Variants in COL17A1 observed in about 807,000 individuals in gnomAD.
COL17A1 encodes collagen type XVII alpha 1 chain.
In COL17A1, 181 loss-of-function variants were observed where a neutral mutation model predicts 218.4. That is an observed-to-expected ratio of 0.83 (90% confidence interval 0.73 to 0.94). COL17A1 has a LOEUF of 0.94. Ranked by LOEUF, COL17A1 falls within the 40% of genes least tolerant of loss-of-function variation. The pLI is 0.00. For synonymous variants in COL17A1, 721 were observed against 731.0 expected, an observed-to-expected ratio of 0.99 and a Z score of 0.22; for missense variants, 1,924 against 1,945.9, an observed-to-expected ratio of 0.99 and a Z score of 0.21.
At chr10:104,039,229 G>A (rs2086333324) in intron 43 of COL17A1, 108 bp from the exon 44 acceptor site, 1 of 1,212,982 alleles carries the variant, frequency 8.2e-7, no homozygotes, top group Non-Finnish European at 1.2e-6. Context: ...CATGTCTCTT[G>A]GCCTCCTTTT....
intron 31 of COL17A1, among the ~76,000 whole-genome samples, chr10:104,047,072 T>A (rs1242140992): frequency 6.6e-6 from 1 of 152,138 alleles, no homozygotes; most frequent in Admixed American, 6.5e-5. Flanking sequence ...TGCTCAACAC[T>A]CACGGATCCC....
rs368122459 is a variant in COL17A1 at position 104,051,598 on chromosome 10, G to T, written c.2003-82C>A. On this transcript the variant is annotated intron_variant, in intron 24 of 55. Transcript: ENST00000648076. The stretch of plus-strand genomic sequence containing the variant: ...TGGCCCCGGTGCAGGGCAGGTGGGG[G>T]TTAGGGACGCTGTCTTCCAGGTGAG... The T allele has an allele frequency of 5.2e-5, 81 of 1,554,312 alleles. No homozygotes were observed. The Middle Eastern group carries it at 1.0e-3, about 20-fold the overall frequency.
In COL17A1 at chr10:104,039,462, C is replaced by T. The variant is rs1277212854; in HGVS notation, c.2879G>A (p.Gly960Glu). Residue 960 changes from glycine (G) to glutamate (E), a missense_variant, in exon 43 of 56, where the codon GGA becomes GAA. Transcript: ENST00000648076. Reference sequence around the variant, plus strand: ...TCACTGACCTTTGTCACCTTTGGGTCCCTGGGGGCCAGGTGGGCCTGGTGG... The same window carrying T: ...TCACTGACCTTTGTCACCTTTGGGTTCCTGGGGGCCAGGTGGGCCTGGTGG... ...QGPPGPPGPQ[G>E]PKGDKGDPGV... The T allele has an allele frequency of 2.5e-6, 4 of 1,614,128 alleles. No individual in the cohort carries two copies. Among genetic ancestry groups the T allele is most frequent in the Non-Finnish European group, 3.4e-6 (4 of 1,180,020 alleles).
intron 4 of COL17A1, among the ~76,000 whole-genome samples, chr10:104,077,165 T>C (rs1055893099): frequency 1.1e-4 from 16 of 152,296 alleles, no homozygotes; most frequent in African/African-American, 3.8e-4. Flanking sequence ...TTAATGAAAA[T>C]GGATCTGATT....
At chr10:104,070,874 C>A (rs1028483823) in intron 8 of COL17A1, among the ~76,000 whole-genome samples, 5 of 152,134 alleles carry the variant, frequency 3.3e-5, no homozygotes, top group Middle Eastern at 3.2e-3. Flanking sequence ...GGCTGGAAGA[C>A]ACTATTATCT....
In COL17A1 at chr10:104,045,868, C is replaced by T. The variant is rs929659338; in HGVS notation, c.2363-75G>A. ...AGATACCCTTGGGTGGTCACTAGTG[C>T]TCCGTCACTCAGCACAGCCACACTG... On this transcript the variant is annotated intron_variant, in intron 32 of 55. Coordinates refer to ENST00000648076, the MANE Select transcript of COL17A1 (RefSeq NM_000494.4). 35 of 1,181,122 alleles carry T rather than the reference C, an allele frequency of 3.0e-5. No homozygotes were observed. The East Asian group carries it at 5.6e-4, about 19-fold the overall frequency. The allele number at this position is 1,181,122 out of a possible 1,614,324, so 73.2% of individuals were successfully genotyped here.
intron 30 of COL17A1, 121 bp from the exon 31 acceptor site, chr10:104,047,931 A>G: frequency 7.3e-7 from 1 of 1,372,170 alleles, no homozygotes. Context: ...TGGAAAGGAG[A>G]AGGGGAACAG....
At chr10:104,073,910 G>T in intron 6 of COL17A1, 1 of 434,136 alleles carries the variant, frequency 2.3e-6, no homozygotes, top group South Asian at 2.2e-5. Flanking sequence ...CTTGGCCTTA[G>T]GGGCTTATCC....
intron 9 of COL17A1, among the ~76,000 whole-genome samples, chr10:104,065,352 T>G (rs1298501511): frequency 6.6e-6 from 1 of 152,078 alleles, no homozygotes; most frequent in Non-Finnish European, 1.5e-5. Flanking sequence ...TCTAGCTTTT[T>G]CCCTCACCTC....
chr10:104,057,955 C>T (rs1398555765), intron 16 of COL17A1, among the ~76,000 whole-genome samples, 191 bp downstream of exon 16: 1 of 152,210 alleles, frequency 6.6e-6, no homozygotes, highest in East Asian at 1.9e-4. Context: ...CTTCTGCGGC[C>T]ACCTCTGACC....
chr10:104,066,632 A>G (rs2086628491), intron 9 of COL17A1, among the ~76,000 whole-genome samples: 1 of 152,236 alleles, frequency 6.6e-6, no homozygotes, highest in Non-Finnish European at 1.5e-5. Context: ...GGAATCCCAT[A>G]ACACGCTTGC....
At chr10:104,044,027 G>A (rs1036364642) in intron 33 of COL17A1, among the ~76,000 whole-genome samples, 167 bp from the exon 34 acceptor site, 2 of 152,344 alleles carry the variant, frequency 1.3e-5, no homozygotes, top group East Asian at 3.9e-4. Flanking sequence ...GATGCATTAA[G>A]CCCCAATCTT....
Position 104,041,482 on chromosome 10 carries a change from C to T in COL17A1, c.2605+3G>A, listed in dbSNP as rs780899324. The T allele has an allele frequency of 6.2e-7, 1 of 1,611,026 alleles. No individual in the cohort carries two copies. The highest frequency in any genetic ancestry group is 1.1e-5 in the South Asian group (1 of 90,740). On this transcript the variant is annotated splice_donor_region_variant and intron_variant, in intron 37 of 55. Coordinates refer to ENST00000648076, the MANE Select transcript of COL17A1 (RefSeq NM_000494.4). Reference sequence around the variant, plus strand: ...ACCTTCCAAAGGTCTCCAAGATACTCACCTGGTGGCCCGCGTGGGCCGGGT... The same window carrying T: ...ACCTTCCAAAGGTCTCCAAGATACTTACCTGGTGGCCCGCGTGGGCCGGGT...
At chr10:104,060,989 C>G (rs1256822507) in intron 13 of COL17A1, among the ~76,000 whole-genome samples, 3 of 152,204 alleles carry the variant, frequency 2.0e-5, no homozygotes, top group Admixed American at 6.5e-5. Context: ...GAGGAAACAG[C>G]TCACTGTATG....
chr10:104,048,077 C>T lies in COL17A1; in HGVS notation c.2255G>A (p.Gly752Asp), dbSNP rs1177079121. The T allele has an allele frequency of 6.2e-7, 1 of 1,614,160 alleles. No individual in the cohort carries two copies. The highest frequency in any genetic ancestry group is 1.7e-5 in the Admixed American group (1 of 60,016). Residue 752 changes from glycine to aspartate, a missense_variant, in exon 30 of 56, where the codon GGC (glycine) becomes GAC (aspartate). Physicochemically the swap from Gly to Asp is moderately conservative, Grantham distance 94 (BLOSUM62 -1). Transcript: ENST00000648076. ...MGPAGPDGHQ[G>D]PRGEQGLTGM... ...GCAGATGAGTGACCAACCTCTTGGG[C>T]CTTGGTGTCCGTCTGGGCCAGCAGG...
In COL17A1 at chr10:104,037,109, C is replaced by T. The variant is rs147011538; in HGVS notation, c.3213G>A (p.Ser1071=). ...ACGAGAACAAGCTGACACCGTACCCCGAAGCTGTCGGGAAGAAAACCTCAG... is the reference window on the plus strand; with the variant it reads ...ACGAGAACAAGCTGACACCGTACCCTGAAGCTGTCGGGAAGAAAACCTCAG... ...ASHVVSYLRT[S]GYGVSLFSSS... The change falls in exon 47 of 56, where the codon TCG becomes TCA. Residue 1071 remains serine (S), a synonymous_variant. Transcript: ENST00000648076. 1.9e-4 allele frequency: 305 copies of T among 1,603,842 alleles called. No individual in the cohort carries two copies. In the Middle Eastern group the frequency reaches 2.1e-3, roughly 11 times the overall value.
At chr10:104,059,571 C>G in intron 15 of COL17A1, 67 bp downstream of exon 15, 2 of 1,459,592 alleles carry the variant, frequency 1.4e-6, no homozygotes, top group East Asian at 4.5e-5. Flanking sequence ...GCAAGGTCTC[C>G]GAAGACAATG....
chr10:104,082,425 T>A (rs559335239), intron 1 of COL17A1, among the ~76,000 whole-genome samples: 1 of 152,266 alleles, frequency 6.6e-6, no homozygotes, highest in Admixed American at 6.5e-5. Flanking sequence ...GACTTTCTTT[T>A]AAAAAAATAG....
Position 104,065,055 on chromosome 10 carries a change from C to T in COL17A1, c.608-459G>A, listed in dbSNP as rs557507975. Among the ~76,000 whole-genome samples the T allele has an allele frequency of 4.3e-4, 65 of 152,306 alleles. 2 individuals are homozygous for T. In the South Asian group the frequency reaches 0.011, roughly 25 times the overall value. ...GGCCATTGCAGGGTGCATGCCTGGG[C>T]AGGGGAGTCCTTGGTCTGGGGCCAC... On this transcript the variant is annotated intron_variant, in intron 9 of 55. Transcript: ENST00000648076.
Sources: gnomAD v4.1 joint callset for allele counts (sites outside exome capture counted in the v4.1 genomes callset) on GRCh38, gnomAD v4.1.1 for gene constraint, MANE v1.5 for transcripts, NCBI Gene and HGNC (gene_info 2026-07-23, HGNC 2026-07-21) for gene names.